The following LRBA variants were observed in gnomAD, a reference collection of about 807,000 sequenced individuals.
LRBA encodes the protein LPS responsive beige-like anchor protein.
In LRBA, 176 loss-of-function variants were observed where a neutral mutation model predicts 330.0. That is an observed-to-expected ratio of 0.53 (90% CI 0.47 to 0.60). The LOEUF (loss-of-function observed/expected upper bound fraction) is 0.60, where lower values mean the gene tolerates loss of function less well. LRBA is among the 20% of genes least tolerant of loss of function. The pLI, the probability that LRBA is intolerant of heterozygous loss-of-function variation, is 0.00. For missense variants in LRBA, 3,259 were observed against 3,444.8 expected (o/e 0.95, Z 1.35); for synonymous variants, 1,230 against 1,193.0 (o/e 1.03, Z -0.64).
At chr4:150,980,453 T>C (rs1450252263) in intron 2 of LRBA, among the ~76,000 whole-genome samples, 1 of 152,146 alleles carries the variant, frequency 6.6e-6, no homozygotes, top group African/African-American at 2.4e-5. Context: ...TTATTAAACA[T>C]AGTACTGGAA....
intron 37 of LRBA, among the ~76,000 whole-genome samples, chr4:150,642,249 T>C (rs1778749664): frequency 1.3e-5 from 2 of 151,954 alleles, no homozygotes; most frequent in South Asian, 2.1e-4. Flanking sequence ...TTTGTTCTTG[T>C]TGTTTGGTAT....
intron 28 of LRBA, among the ~76,000 whole-genome samples, chr4:150,842,383 C>T (rs1420170782): frequency 1.3e-5 from 2 of 152,110 alleles, no homozygotes; most frequent in Non-Finnish European, 2.9e-5. Context: ...ACCTCCTAGG[C>T]TCAAGCGATC....
intron 40 of LRBA, among the ~76,000 whole-genome samples, chr4:150,491,782 G>A (rs1316547353): frequency 6.6e-6 from 1 of 152,042 alleles, no homozygotes; most frequent in Non-Finnish European, 1.5e-5. Flanking sequence ...TTGTTGCTTT[G>A]ATTCAAGTTT....
intron 47 of LRBA, among the ~76,000 whole-genome samples, chr4:150,414,885 GAAAAT>G (rs1276528143): frequency 6.6e-6 from 1 of 152,206 alleles, no homozygotes; most frequent in East Asian, 1.9e-4. Context: ...TTAGTGTCTC[GAAAAT>G]AATACTGAAC....
intron 34 of LRBA, among the ~76,000 whole-genome samples, chr4:150,762,419 T>G: frequency 6.6e-6 from 1 of 151,834 alleles, no homozygotes. Flanking sequence ...CTTGATCCAT[T>G]TGAAATTTAC....
intron 36 of LRBA, among the ~76,000 whole-genome samples, chr4:150,718,908 C>CA (rs918411235): frequency 4.7e-4 from 72 of 152,098 alleles, no homozygotes; most frequent in African/African-American, 1.7e-3. Flanking sequence ...AATTGGGAAA[C>CA]AGATTACCTG....
At chr4:150,842,098 T>C (rs1749174811) in intron 28 of LRBA, among the ~76,000 whole-genome samples, 2 of 152,212 alleles carry the variant, frequency 1.3e-5, no homozygotes, top group Admixed American at 6.5e-5. Context: ...TTAAAATTAT[T>C]TATGACTTTC....
At position 150,852,793 on chromosome 4, in the gene LRBA, G is replaced by T. The variant is rs753358028; in HGVS notation, c.2917C>A (p.Gln973Lys). The change falls in exon 23 of 57, where the codon CAA becomes AAA. Residue 973 changes from glutamine to lysine, a missense_variant. Physicochemically the swap from Gln to Lys is moderately conservative, Grantham distance 53. Transcript: ENST00000651943. The part of the protein sequence containing the change: ...RDINVSVGSQ[Q>K]PDTKDSPVCP... ...ACAGGAGAATCCTTCGTATCTGGTT[G>T]CTGGGATCCTACTGAAACATTAATA... 3 of 1,614,044 alleles carry T rather than the reference G, an allele frequency of 1.9e-6. No individual in the cohort carries two copies. The Admixed American group carries it at 5.0e-5, about 27-fold the overall frequency.
chr4:150,383,983 T>C (rs1403581942), intron 47 of LRBA, among the ~76,000 whole-genome samples: 1 of 152,152 alleles, frequency 6.6e-6, no homozygotes, highest in African/African-American at 2.4e-5. Flanking sequence ...TTCTATTGTT[T>C]ATTGGCTCCT....
At chr4:150,866,200 T>G (rs1192272693) in intron 22 of LRBA, among the ~76,000 whole-genome samples, 1 of 152,170 alleles carries the variant, frequency 6.6e-6, no homozygotes, top group African/African-American at 2.4e-5. Flanking sequence ...AATGAAAAAG[T>G]TCTTAAAATT....
rs117198230 is a variant in LRBA at position 150,493,336 on chromosome 4, G to C, written c.6331-2301C>G. The stretch of plus-strand genomic sequence containing the variant: ...CTAGCCTATTGCCTCTTCAGCACTA[G>C]AATACTAGAATCTAAGTTCTGTTGG... On this transcript the variant is annotated intron_variant, in intron 40 of 56. Coordinates refer to ENST00000651943, the MANE Select transcript of LRBA (RefSeq NM_001364905.1). Among the ~76,000 whole-genome samples, 4 of 152,274 alleles carry C rather than the reference G, an allele frequency of 2.6e-5. No individual in the cohort carries two copies. In the East Asian group the frequency reaches 7.7e-4, roughly 29 times the overall value.
At chr4:150,604,357 T>A (rs1774416627) in intron 37 of LRBA, among the ~76,000 whole-genome samples, 1 of 151,146 alleles carries the variant, frequency 6.6e-6, no homozygotes, top group Non-Finnish European at 1.5e-5. Context: ...TGAGCTCTGA[T>A]GATGGCAATG....
chr4:150,667,798 TCA>T (rs1327466569), intron 37 of LRBA, among the ~76,000 whole-genome samples: 1 of 152,144 alleles, frequency 6.6e-6, no homozygotes, highest in Non-Finnish European at 1.5e-5. Context: ...TGGCACCAGA[TCA>T]CAGACTTCCA....
chr4:150,536,567 G>A (rs1159560037), intron 40 of LRBA, among the ~76,000 whole-genome samples: 1 of 152,148 alleles, frequency 6.6e-6, no homozygotes, highest in Non-Finnish European at 1.5e-5. Context: ...CAAAAAGTTA[G>A]TGTGTTGTAC....
intron 35 of LRBA, among the ~76,000 whole-genome samples, chr4:150,744,794 G>A (rs1409250654): frequency 6.6e-6 from 1 of 152,174 alleles, no homozygotes; most frequent in African/African-American, 2.4e-5. Context: ...AACCCCTTGA[G>A]TTCAACCTGG....
intron 40 of LRBA, among the ~76,000 whole-genome samples, chr4:150,501,062 C>CA (rs1218339768): frequency 6.6e-6 from 1 of 152,124 alleles, no homozygotes; most frequent in Non-Finnish European, 1.5e-5. Context: ...CGTAATCTTC[C>CA]AAAAAGCCAT....
chr4:150,991,053 CA>C (rs543266001), intron 2 of LRBA, among the ~76,000 whole-genome samples: 2,081 of 59,984 alleles, frequency 0.035, 8 homozygotes, highest in Non-Finnish European at 0.054. Flanking sequence ...ACTCTGTCTC[CA>C]AAAAAAAAAA....
intron 36 of LRBA, among the ~76,000 whole-genome samples, chr4:150,696,902 T>C (rs947512930): frequency 6.6e-6 from 1 of 151,026 alleles, no homozygotes; most frequent in African/African-American, 2.4e-5. Context: ...TAGTCCCAGC[T>C]ACTTGGGAAG....
intron 40 of LRBA, among the ~76,000 whole-genome samples, chr4:150,525,435 AGTGTCT>A (rs1763359633): frequency 6.6e-6 from 1 of 152,126 alleles, no homozygotes; most frequent in Admixed American, 6.5e-5. Context: ...ATTCAGCCTC[AGTGTCT>A]GTGTGTGGGA....
Sources: gnomAD v4.1 joint callset for allele counts (sites outside exome capture counted in the v4.1 genomes callset) on GRCh38, gnomAD v4.1.1 for gene constraint, MANE v1.5 for transcripts, NCBI Gene and HGNC (gene_info 2026-07-23, HGNC 2026-07-21) for gene names.